The following SPAG16 variants were observed in gnomAD, a reference collection of about 807,000 sequenced individuals.
SPAG16 encodes the protein sperm associated antigen 16, also known as sperm-associated antigen 16 protein.
In SPAG16, 86 loss-of-function variants were observed where a neutral mutation model predicts 80.4. The observed-to-expected ratio is 1.07, with a 90% CI of 0.90 to 1.28. The LOEUF (loss-of-function observed/expected upper bound fraction) is 1.28. SPAG16 is among the 50% of genes most tolerant of loss of function. The pLI, the probability that SPAG16 is intolerant of heterozygous loss-of-function variation, is 0.00. For missense variants in SPAG16, 870 were observed against 765.3 expected (o/e 1.14, Z -1.61); for synonymous variants, 294 against 265.9 (o/e 1.11, Z -1.03).
intron 12 of SPAG16, among the ~76,000 whole-genome samples, chr2:213,932,319 A>T (rs899724047): frequency 4.6e-5 from 7 of 151,350 alleles, no homozygotes; most frequent in African/African-American, 7.3e-5. Context: ...GGGTTCAAGC[A>T]GTTAACCTGC....
At chr2:214,392,386 C>A (rs1574492569) in intron 15 of SPAG16, among the ~76,000 whole-genome samples, 1 of 152,124 alleles carries the variant, frequency 6.6e-6, no homozygotes, top group Middle Eastern at 3.4e-3. Flanking sequence ...GAACTCCTGA[C>A]CTCAAGTGAT....
At chr2:214,233,288 A>G (rs962557919) in intron 15 of SPAG16, among the ~76,000 whole-genome samples, 1 of 151,972 alleles carries the variant, frequency 6.6e-6, no homozygotes, top group African/African-American at 2.4e-5. Context: ...ACAATAACAC[A>G]TTAATCTCTG....
rs181398457 is a variant in SPAG16 at position 214,038,103 on chromosome 2, T to C, written c.1527+24026T>C. The stretch of plus-strand genomic sequence containing the variant: ...GCTCTGTTATTTTATGTAATAATTA[T>C]CATGTGTACTGTGTTATATTTGCTG... On this transcript the variant is annotated intron_variant, in intron 13 of 15. Transcript: ENST00000331683. 2.0e-5 allele frequency among the ~76,000 whole-genome samples: 3 copies of C among 152,274 alleles called. No individual in the cohort carries two copies. In the East Asian group the frequency reaches 5.8e-4, roughly 29 times the overall value.
At chr2:213,713,311 G>A (rs1327839574) in intron 10 of SPAG16, among the ~76,000 whole-genome samples, 2 of 152,184 alleles carry the variant, frequency 1.3e-5, no homozygotes, top group Non-Finnish European at 2.9e-5. Context: ...TTGTAAATCG[G>A]ATATGGTTGC....
In SPAG16 at chr2:213,930,006, T is replaced by C; in HGVS notation, c.1261T>C (p.Trp421Arg). Residue 421 changes from tryptophan to arginine, a missense_variant, in exon 12 of 16, where the codon TGG becomes CGG. Physicochemically the swap from Trp to Arg is moderately radical, Grantham distance 101 (BLOSUM62 -3). Coordinates refer to ENST00000331683, the MANE Select transcript of SPAG16 (RefSeq NM_024532.5). Reference sequence around the variant, plus strand: ...AAGTGGTGACACTACAGTTAAATTATGGGATCTATGTAAAGGCGATTGCAT... The same window carrying C: ...AAGTGGTGACACTACAGTTAAATTACGGGATCTATGTAAAGGCGATTGCAT... ...TSSGDTTVKL[W>R]DLCKGDCILT... 6.2e-7 allele frequency: 1 copy of C among 1,613,924 alleles called. No homozygotes were observed. The highest frequency in any genetic ancestry group is 8.5e-7 in the Non-Finnish European group (1 of 1,179,868).
intron 10 of SPAG16, among the ~76,000 whole-genome samples, chr2:213,556,033 T>C (rs947426392): frequency 1.3e-5 from 2 of 151,958 alleles, no homozygotes; most frequent in African/African-American, 4.8e-5. Flanking sequence ...CTGTAAACTG[T>C]TTTATGTAAG....
chr2:213,877,893 A>G (rs1259718017), intron 11 of SPAG16, among the ~76,000 whole-genome samples: 5 of 152,124 alleles, frequency 3.3e-5, no homozygotes, highest in African/African-American at 7.2e-5. Context: ...ATCATGTTAC[A>G]TTCTGCAACC....
intron 15 of SPAG16, among the ~76,000 whole-genome samples, chr2:214,243,234 C>T (rs928227388): frequency 5.3e-5 from 8 of 152,046 alleles, no homozygotes; most frequent in South Asian, 2.1e-4. Context: ...TAAGTGGTAT[C>T]GGTAATCAAG....
At chr2:213,822,496 T>G (rs2073006262) in intron 10 of SPAG16, among the ~76,000 whole-genome samples, 1 of 152,232 alleles carries the variant, frequency 6.6e-6, no homozygotes, top group Non-Finnish European at 1.5e-5. Context: ...CTTCACTGTG[T>G]TGATTGTTTC....
At chr2:213,482,558 TTTA>T (rs2073800416) in intron 9 of SPAG16, among the ~76,000 whole-genome samples, 1 of 151,968 alleles carries the variant, frequency 6.6e-6, no homozygotes, top group Non-Finnish European at 1.5e-5. Context: ...GAATTTTTAT[TTTA>T]TTTATTTATT....
At chr2:214,316,843 G>A (rs917350678) in intron 15 of SPAG16, among the ~76,000 whole-genome samples, 4 of 151,964 alleles carry the variant, frequency 2.6e-5, no homozygotes, top group African/African-American at 4.8e-5. Context: ...CCATTCTCAC[G>A]GATTCTATAA....
intron 15 of SPAG16, among the ~76,000 whole-genome samples, chr2:214,350,288 G>C (rs73087083): frequency 2.0e-5 from 3 of 151,868 alleles, no homozygotes; most frequent in Non-Finnish European, 4.4e-5. Context: ...CTCTCTTCTC[G>C]GACTCCAGTT....
At chr2:213,833,170 C>T (rs986827073) in intron 10 of SPAG16, among the ~76,000 whole-genome samples, 1 of 150,938 alleles carries the variant, frequency 6.6e-6, no homozygotes, top group East Asian at 2.0e-4. Flanking sequence ...ATATATTCTC[C>T]TGGCTCTGTC....
intron 13 of SPAG16, among the ~76,000 whole-genome samples, chr2:214,043,663 A>T (rs1238674306): frequency 6.6e-6 from 1 of 152,180 alleles, no homozygotes; most frequent in Admixed American, 6.6e-5. Context: ...CTATCTGTAT[A>T]TAAATAGCAG....
At chr2:214,303,044 G>GAT (rs1694672099) in intron 15 of SPAG16, among the ~76,000 whole-genome samples, 1 of 152,182 alleles carries the variant, frequency 6.6e-6, no homozygotes, top group South Asian at 2.1e-4. Context: ...GAAGACGGCA[G>GAT]ATAGTTGGGT....
chr2:213,506,337 A>G (rs1575777464), intron 10 of SPAG16, among the ~76,000 whole-genome samples: 1 of 152,204 alleles, frequency 6.6e-6, no homozygotes. Context: ...AAACAGGAAT[A>G]TTCCATTAAT....
chr2:213,612,808 C>T (rs1042647704), intron 10 of SPAG16, among the ~76,000 whole-genome samples: 36 of 151,994 alleles, frequency 2.4e-4, no homozygotes, highest in African/African-American at 7.7e-4. Flanking sequence ...CTTAGCCTCC[C>T]GAGTAGCTGG....
intron 10 of SPAG16, among the ~76,000 whole-genome samples, chr2:213,635,371 T>C (rs1236395118): frequency 6.6e-6 from 1 of 152,202 alleles, no homozygotes; most frequent in Non-Finnish European, 1.5e-5. Context: ...ATTGTGCTGC[T>C]GTAAGCATGT....
At position 214,205,911 on chromosome 2, in the gene SPAG16, A is replaced by G. The variant is rs529633904; in HGVS notation, c.1720+56645A>G. Among the ~76,000 whole-genome samples the G allele has an allele frequency of 2.0e-5, 3 of 152,224 alleles. No homozygotes were observed. In the East Asian group the frequency reaches 5.8e-4, roughly 29 times the overall value. On this transcript the variant is annotated intron_variant, in intron 15 of 15. Coordinates refer to ENST00000331683, the MANE Select transcript of SPAG16 (RefSeq NM_024532.5). Reference sequence around the variant, plus strand: ...TGAAATGTACAACAAATTATTGATAACTGGCCGGGCGCAGTGGCTGACACC... The same window carrying G: ...TGAAATGTACAACAAATTATTGATAGCTGGCCGGGCGCAGTGGCTGACACC...
Sources: allele counts gnomAD v4.1 joint callset (sites outside exome capture counted in the v4.1 genomes callset), GRCh38; gene constraint gnomAD v4.1.1; transcripts MANE v1.5; gene names NCBI Gene and HGNC (gene_info 2026-07-23, HGNC 2026-07-21).